Variants in N4BP2L1 observed in about 807,000 individuals in gnomAD.
N4BP2L1 encodes the protein NEDD4 binding protein 2 like 1.
A neutral mutation model predicts 21.2 loss-of-function variants in N4BP2L1; 12 were observed. That is an observed-to-expected ratio of 0.57 (90% confidence interval 0.36 to 0.92). N4BP2L1 has a LOEUF of 0.92. Among genes scored for constraint, N4BP2L1 ranks in the 40% least tolerant of loss-of-function variants. The pLI, the probability that N4BP2L1 is intolerant of heterozygous loss-of-function variation, is 0.01. For synonymous variants in N4BP2L1, 104 were observed against 112.8 expected (o/e 0.92, Z 0.49); for missense variants, 259 against 310.6 (o/e 0.83, Z 1.25).
At chr13:32,418,468 G>A (rs1217353722) in intron 1 of N4BP2L1, among the ~76,000 whole-genome samples, 1 of 152,218 alleles carries the variant, frequency 6.6e-6, no homozygotes, top group African/African-American at 2.4e-5. Context: ...CCCTCATGGA[G>A]AATCTCTGCT....
In N4BP2L1 at chr13:32,418,707, C is replaced by T. The variant is rs563131150; in HGVS notation, c.179+9197G>A. ...TTGCAAAGCCACAGGGGTGGAGCTG[C>T]CCAAGGCCATGGGAGCCCACCTCTT... On this transcript the variant is annotated intron_variant, in intron 1 of 4. Transcript: ENST00000380130. Among the ~76,000 whole-genome samples the T allele has an allele frequency of 2.0e-5, 3 of 152,304 alleles. No homozygotes were observed. In the South Asian group the frequency reaches 6.2e-4, roughly 32 times the overall value.
chr13:32,427,432 G>A (rs767704888), intron 1 of N4BP2L1, among the ~76,000 whole-genome samples: 5 of 152,246 alleles, frequency 3.3e-5, no homozygotes, highest in Non-Finnish European at 7.3e-5. Flanking sequence ...CGCGCCAGCG[G>A]GGCCCGGCGG....
chr13:32,407,101 TA>T, intron 3 of N4BP2L1, 148 bp downstream of exon 3: 1 of 744,278 alleles, frequency 1.3e-6, no homozygotes, highest in Non-Finnish European at 2.2e-6. Flanking sequence ...AGAGAAACAC[TA>T]AAATAAAACC....
chr13:32,403,692 G>A lies in N4BP2L1; in HGVS notation c.474-492C>T, dbSNP rs376054055. 4.4e-4 allele frequency: 237 copies of A among 535,600 alleles called. 2 individuals carry two copies. The highest frequency in any genetic ancestry group is 6.2e-4 in the South Asian group (44 of 71,432). 33.2% of individuals were successfully genotyped at this position (535,600 alleles called of 1,614,324 possible). A position where few individuals can be genotyped will look rare whatever the true frequency, so the allele number is the denominator to read the frequency against. ...ACTACTGAATGGGGTCCATGAACTC[G>A]GATTTTAATAGCCACCTGAGGCAAT... is the stretch of plus-strand genomic sequence containing the variant. On this transcript the variant is annotated intron_variant, in intron 4 of 4. Transcript: ENST00000380130.
intron 1 of N4BP2L1, among the ~76,000 whole-genome samples, chr13:32,418,804 C>G (rs1378585643): frequency 6.6e-6 from 1 of 152,222 alleles, no homozygotes; most frequent in Non-Finnish European, 1.5e-5. Flanking sequence ...TTTGGCTACC[C>G]TGCTGGATTT....
At chr13:32,419,239 C>CTTTTTTTTTTT (rs34280009) in intron 1 of N4BP2L1, among the ~76,000 whole-genome samples, 1 of 61,304 alleles carries the variant, frequency 1.6e-5, no homozygotes, top group Non-Finnish European at 2.8e-5. Flanking sequence ...CAAGATCTGG[C>CTTTTTTTTTTT]TTTTTTTTTT....
intron 4 of N4BP2L1, chr13:32,403,892 T>C (rs2073308252): frequency 2.1e-6 from 1 of 474,174 alleles, no homozygotes; most frequent in Non-Finnish European, 4.0e-6. Flanking sequence ...ATCAACAAGT[T>C]AGTATTATTT....
At chr13:32,424,225 A>G (rs169562) in intron 1 of N4BP2L1, among the ~76,000 whole-genome samples, 55,427 of 152,094 alleles carry the variant, frequency 0.36, 11,276 homozygotes, top group East Asian at 0.68. Context: ...CTTCACTTCA[A>G]TCAAGCCCGG....
rs2073159901 is a variant in N4BP2L1 at position 32,402,093 on chromosome 13, C to T, written c.*849G>A. 1 of 985,322 alleles carries T rather than the reference C, an allele frequency of 1.0e-6. No homozygotes were observed. Among genetic ancestry groups the T allele is most frequent in the Non-Finnish European group, 1.2e-6 (1 of 829,834 alleles). The allele number at this position is 985,322 out of a possible 1,614,324, so 61.0% of individuals were successfully genotyped here. A position where few individuals can be genotyped will look rare whatever the true frequency, so the allele number is the denominator to read the frequency against. The stretch of plus-strand genomic sequence containing the variant: ...TTTCTTGCACTCCCAAACATTTGAG[C>T]TGCCGACTAATTACACATGTTAATA... On this transcript the variant is annotated 3_prime_UTR_variant, in exon 5 of 5. Transcript: ENST00000380130.
intron 1 of N4BP2L1, among the ~76,000 whole-genome samples, chr13:32,411,257 G>C (rs976108011): frequency 6.6e-6 from 1 of 151,876 alleles, no homozygotes; most frequent in Non-Finnish European, 1.5e-5. Context: ...TCTGACTGTG[G>C]CCTCCATACT....
At chr13:32,403,271 C>G (rs990639562) in intron 4 of N4BP2L1, 71 bp from the exon 5 acceptor site, 4 of 1,476,196 alleles carry the variant, frequency 2.7e-6, no homozygotes, top group Non-Finnish European at 3.7e-6. Context: ...TACAAGTCCT[C>G]TAGTATTGCA....
Position 32,402,683 on chromosome 13 carries a change from C to G in N4BP2L1, c.*259G>C, listed in dbSNP as rs1171059195. On this transcript the variant is annotated 3_prime_UTR_variant, in exon 5 of 5. Coordinates refer to ENST00000380130, the MANE Select transcript of N4BP2L1 (RefSeq NM_052818.3). ...GTAAATATATTCTTGGGTGTGTTCT[C>G]AAGTTTTGGTTTCAAATTCTTACCC... The G allele has an allele frequency of 8.0e-6, 10 of 1,253,772 alleles. No homozygotes were observed. In the East Asian group the frequency reaches 3.4e-4, roughly 42 times the overall value. 77.7% of individuals were successfully genotyped at this position (1,253,772 alleles called of 1,614,324 possible).
chr13:32,412,291 A>T (rs1435547450), intron 1 of N4BP2L1, among the ~76,000 whole-genome samples: 1 of 152,124 alleles, frequency 6.6e-6, no homozygotes, highest in African/African-American at 2.4e-5. Context: ...ATTTTGCCTT[A>T]GTTTATGTCT....
At position 32,403,100 on chromosome 13, in the gene N4BP2L1, T is replaced by G; in HGVS notation, c.574A>C (p.Ser192Arg). Residue 192 changes from serine (S) to arginine (R), a missense_variant, in exon 5 of 5, where the codon AGC (serine) becomes CGC (arginine). Transcript: ENST00000380130. ...CTGTCCTGGTTTCTGTTCATTCTGC[T>G]TGGCTTTTCTGCATGAAGCACACTG... ...FHSVLHAEKP[S>R]RMNRNQDRNN... is the part of the protein sequence containing the mutation. The G allele has an allele frequency of 6.2e-7, 1 of 1,614,158 alleles. No homozygotes were observed. Among genetic ancestry groups the G allele is most frequent in the Non-Finnish European group, 8.5e-7 (1 of 1,180,020 alleles).
intron 1 of N4BP2L1, among the ~76,000 whole-genome samples, chr13:32,415,651 G>A (rs781002520): frequency 9.9e-5 from 15 of 151,738 alleles, no homozygotes; most frequent in East Asian, 3.9e-4. Context: ...AACTTCCTTC[G>A]TATTTTAGAC....
chr13:32,403,644 A>AAAT (rs766989941), intron 4 of N4BP2L1: 1 of 528,160 alleles, frequency 1.9e-6, no homozygotes, highest in South Asian at 1.4e-5. Flanking sequence ...ATATAGTTAG[A>AAAT]AATATAATTA....
intron 3 of N4BP2L1, chr13:32,406,895 C>T (rs7327813): frequency 1.3e-4 from 31 of 236,918 alleles, no homozygotes; most frequent in Admixed American, 1.2e-3. Context: ...AGCTCCACTA[C>T]GAGCGCCATC....
At chr13:32,422,805 T>G (rs1223753395) in intron 1 of N4BP2L1, among the ~76,000 whole-genome samples, 1 of 152,198 alleles carries the variant, frequency 6.6e-6, no homozygotes, top group East Asian at 1.9e-4. Context: ...AGAGGAGATT[T>G]AGGACCCACC....
chr13:32,407,094 G>GA, intron 3 of N4BP2L1, 156 bp downstream of exon 3: 1 of 698,986 alleles, frequency 1.4e-6, no homozygotes, highest in Non-Finnish European at 2.4e-6. Flanking sequence ...GAACAGCAGA[G>GA]AAACACTAAA....
Sources: gnomAD v4.1 joint callset for allele counts (sites outside exome capture counted in the v4.1 genomes callset) on GRCh38, gnomAD v4.1.1 for gene constraint, MANE v1.5 for transcripts, NCBI Gene and HGNC (gene_info 2026-07-23, HGNC 2026-07-21) for gene names.